The following FAM83F variants were observed in gnomAD, a reference collection of about 807,000 sequenced individuals.
FAM83F encodes the protein scaffolding CK1 anchoring protein F, also known as protein FAM83F.
A neutral mutation model predicts 42.9 loss-of-function variants in FAM83F; 45 were observed. That is an observed-to-expected ratio of 1.05 (90% CI 0.83 to 1.35). FAM83F has a LOEUF of 1.35. FAM83F is among the 40% of genes most tolerant of loss of function. The pLI is 0.00. For synonymous variants in FAM83F, 306 were observed against 298.3 expected (o/e 1.03, Z -0.27); for missense variants, 617 against 695.9 (o/e 0.89, Z 1.28).
At chr22:40,013,082 C>CAAAAAAAAAAAAAAAAAA (rs754625979) in intron 1 of FAM83F, among the ~76,000 whole-genome samples, 1 of 46,394 alleles carries the variant, frequency 2.2e-5, no homozygotes, top group Non-Finnish European at 3.8e-5. Flanking sequence ...GACTCCGTTT[C>CAAAAAAAAAAAAAAAAAA]AAAAAAAAAA....
chr22:40,027,672 G>T (rs1444180508), intron 4 of FAM83F, among the ~76,000 whole-genome samples: 1 of 152,246 alleles, frequency 6.6e-6, no homozygotes, highest in East Asian at 1.9e-4. Context: ...CAGTTTCTCT[G>T]TCCTGTCCGG....
Position 40,030,642 on chromosome 22 carries a change from CCCAG to C in FAM83F, c.*1078_*1081del, listed in dbSNP as rs1240635012. The stretch of plus-strand genomic sequence containing the variant: ...ATGGCCATGAGGCTGAGCTGGGAGG[CCCAG>C]TAAGCAATTCCATTCTGCCTTCCCC... On this transcript the variant is annotated 3_prime_UTR_variant, in exon 5 of 5. Transcript: ENST00000333407. 7 of 152,184 alleles carry C rather than the reference CCCAG, an allele frequency of 4.6e-5. No individual in the cohort carries two copies. The highest frequency in any genetic ancestry group is 1.7e-4 in the African/African-American group (7 of 41,424). The allele number at this position is 152,184 out of a possible 1,614,324, so 9.4% of individuals were successfully genotyped here.
chr22:40,022,287 T>C (rs1423413477), intron 4 of FAM83F, among the ~76,000 whole-genome samples: 1 of 152,248 alleles, frequency 6.6e-6, no homozygotes, highest in Non-Finnish European at 1.5e-5. Flanking sequence ...TCAGCCCTCA[T>C]GGTAACCCAA....
chr22:40,021,601 G>T lies in FAM83F; in HGVS notation c.1091G>T (p.Gly364Val). Reference protein sequence around the residue: ...NPEGQEEGASGGESAWRLESF... With the variant: ...NPEGQEEGASVGESAWRLESF... ...GAGGGGCAGGAGGAGGGCGCCAGCG[G>T]TGGCGAGTCGGCCTGGCGCCTGGAG... Residue 364 changes from glycine to valine, a missense_variant, in exon 4 of 5, where the codon GGT becomes GTT. Physicochemically the swap from Gly to Val is moderately radical, Grantham distance 109 (BLOSUM62 -3). Coordinates refer to ENST00000333407, the MANE Select transcript of FAM83F (RefSeq NM_138435.4). This position sits in a 1 kb window ranked among gnomAD's most constrained non-coding sequence, Gnocchi z 8.7. 3 of 1,580,474 alleles carry T rather than the reference G, an allele frequency of 1.9e-6. No homozygotes were observed. Among genetic ancestry groups the T allele is most frequent in the Non-Finnish European group, 2.6e-6 (3 of 1,158,312 alleles).
At position 39,995,404 on chromosome 22, in the gene FAM83F, T is replaced by C; in HGVS notation, c.362T>C (p.Leu121Pro). 6.5e-7 allele frequency: 1 copy of C among 1,549,336 alleles called. No homozygotes were observed. The highest frequency in any genetic ancestry group is 8.7e-7 in the Non-Finnish European group (1 of 1,146,878). The stretch of plus-strand genomic sequence containing the variant: ...GACACCGAGGTGCCTCCTCTGGACC[T>C]GGGCTGGACGGACACTGGTTTCTAC... ...RSDTEVPPLD[L>P]GWTDTGFYRG... is the part of the protein sequence containing the mutation. Residue 121 changes from leucine to proline, a missense_variant, in exon 1 of 5, where the codon CTG (leucine) becomes CCG (proline). Coordinates refer to ENST00000333407, the MANE Select transcript of FAM83F (RefSeq NM_138435.4). The surrounding 1 kb of genome is among the most constrained non-coding windows in gnomAD (Gnocchi z 4.6).
chr22:40,015,045 G>T (rs1209053915), intron 1 of FAM83F, among the ~76,000 whole-genome samples: 2 of 152,204 alleles, frequency 1.3e-5, no homozygotes, highest in Non-Finnish European at 2.9e-5. Flanking sequence ...ATTAGTCAGG[G>T]TTCTCCAGAG....
Position 40,034,525 on chromosome 22 carries a change from C to G in FAM83F, c.*4960C>G, listed in dbSNP as rs1348326494. ...CAGCTAGGGACTGAGGAAAGCCCTG[C>G]TTCTAGATGCCATGTGCTGCTGCCT... On this transcript the variant is annotated 3_prime_UTR_variant, in exon 5 of 5. Transcript: ENST00000333407. 2.0e-5 allele frequency: 3 copies of G among 152,310 alleles called. No homozygotes were observed. Among genetic ancestry groups the G allele is most frequent in the Non-Finnish European group, 1.5e-5 (1 of 68,102 alleles). The allele number at this position is 152,310 out of a possible 1,614,324, so 9.4% of individuals were successfully genotyped here.
chr22:40,030,518 CA>C lies in FAM83F; in HGVS notation c.*954del, dbSNP rs1266047229. The C allele has an allele frequency of 6.6e-6, 1 of 152,258 alleles. No homozygotes were observed. The highest frequency in any genetic ancestry group is 1.5e-5 in the Non-Finnish European group (1 of 68,116). The allele number at this position is 152,258 out of a possible 1,614,324, so 9.4% of individuals were successfully genotyped here. ...GGGGTCCTCGGACCCCTTCACCAAC[CA>C]GGGCTTCCAGGTTACACTTTGGCCA... On this transcript the variant is annotated 3_prime_UTR_variant, in exon 5 of 5. Transcript: ENST00000333407.
At chr22:40,025,484 A>G (rs9623110) in intron 4 of FAM83F, among the ~76,000 whole-genome samples, 37,724 of 152,106 alleles carry the variant, frequency 0.25, 5,022 homozygotes, top group Non-Finnish European at 0.31. Context: ...AGGCCGAGGC[A>G]GGTGGATCAC....
chr22:40,039,418 G>T lies in FAM83F; in HGVS notation c.*9853G>T, dbSNP rs1183362643. 1 of 152,094 alleles carries T rather than the reference G, an allele frequency of 6.6e-6. No homozygotes were observed. The highest frequency in any genetic ancestry group is 2.4e-5 in the African/African-American group (1 of 41,390). 9.4% of individuals were successfully genotyped at this position (152,094 alleles called of 1,614,324 possible). ...ACCACTACGCCTGGCCTGGTATGTG[G>T]GTTAAAATGTTAGGTTTTATCATTA... On this transcript the variant is annotated 3_prime_UTR_variant, in exon 5 of 5. Coordinates refer to ENST00000333407, the MANE Select transcript of FAM83F (RefSeq NM_138435.4).
chr22:40,026,259 G>A (rs1398385246), intron 4 of FAM83F, among the ~76,000 whole-genome samples: 1 of 152,194 alleles, frequency 6.6e-6, no homozygotes, highest in Admixed American at 6.5e-5. Flanking sequence ...GGTGGCTCAT[G>A]CCTGTAATCC....
Position 40,023,259 on chromosome 22 carries a change from C to T in FAM83F, c.1453+1296C>T, listed in dbSNP as rs1413785846. On this transcript the variant is annotated intron_variant, in intron 4 of 4. Coordinates refer to ENST00000333407, the MANE Select transcript of FAM83F (RefSeq NM_138435.4). The surrounding 1 kb of genome is among the most constrained non-coding windows in gnomAD (Gnocchi z 4.1). ...GTGGTAGTAAGGCCAGGATTCAAGA[C>T]CAGGCATGGGCACAGCCATGTTCTG... 6.6e-6 allele frequency among the ~76,000 whole-genome samples: 1 copy of T among 152,188 alleles called. No homozygotes were observed. The highest frequency in any genetic ancestry group is 2.4e-5 in the African/African-American group (1 of 41,440).
chr22:39,998,591 C>A (rs2067382322), intron 1 of FAM83F, among the ~76,000 whole-genome samples: 1 of 152,024 alleles, frequency 6.6e-6, no homozygotes. Flanking sequence ...GGTAGGAGGG[C>A]CTTTGAGGAG....
At position 40,035,586 on chromosome 22, in the gene FAM83F, TTGAAGTGGTATGCCTGCA is replaced by T. The variant is rs1193680756; in HGVS notation, c.*6025_*6042del. 1 of 152,248 alleles carries T rather than the reference TTGAAGTGGTATGCCTGCA, an allele frequency of 6.6e-6. No homozygotes were observed. The highest frequency in any genetic ancestry group is 1.5e-5 in the Non-Finnish European group (1 of 68,090). 9.4% of individuals were successfully genotyped at this position (152,248 alleles called of 1,614,324 possible). On this transcript the variant is annotated 3_prime_UTR_variant, in exon 5 of 5. Transcript: ENST00000333407. Reference sequence around the variant, plus strand: ...CATGGTGAGCGAGGAAGGCATGGTATTGAAGTGGTATGCCTGCATGACCTTGGCGGGGGCGCATGGCAT... The same window carrying T: ...CATGGTGAGCGAGGAAGGCATGGTATTGACCTTGGCGGGGGCGCATGGCAT...
chr22:40,039,873 G>C lies in FAM83F; in HGVS notation c.*10308G>C, dbSNP rs922745986. On this transcript the variant is annotated 3_prime_UTR_variant, in exon 5 of 5. Coordinates refer to ENST00000333407, the MANE Select transcript of FAM83F (RefSeq NM_138435.4). ...GGATCTTGGCCACAAAAAGGTTATA[G>C]ATGAGCTTAGAGAAATGAATTTCAG... is the stretch of plus-strand genomic sequence containing the variant. 1.3e-5 allele frequency: 2 copies of C among 152,274 alleles called. No individual in the cohort carries two copies. Among genetic ancestry groups the C allele is most frequent in the South Asian group, 4.1e-4 (2 of 4,836 alleles). The allele number at this position is 152,274 out of a possible 1,614,324, so 9.4% of individuals were successfully genotyped here.
chr22:40,019,874 C>T lies in FAM83F; in HGVS notation c.658-13C>T. 1 of 1,602,824 alleles carries T rather than the reference C, an allele frequency of 6.2e-7. No homozygotes were observed. Reference sequence around the variant, plus strand: ...CCAACCCAGGTGACAGGGCCTTCTGCTCTTCCCAACAGAACATCCGTGTCC... The same window carrying T: ...CCAACCCAGGTGACAGGGCCTTCTGTTCTTCCCAACAGAACATCCGTGTCC... On this transcript the variant is annotated splice_polypyrimidine_tract_variant and intron_variant, in intron 2 of 4. Transcript: ENST00000333407.
intron 4 of FAM83F, among the ~76,000 whole-genome samples, chr22:40,027,005 T>C (rs2067557027): frequency 6.6e-6 from 1 of 152,176 alleles, no homozygotes; most frequent in South Asian, 2.1e-4. Context: ...AATAAATATG[T>C]GTCTACGAAG....
rs1190170656 is a variant in FAM83F, at chr22:40,037,597, C to T, written c.*8032C>T. 6.6e-6 allele frequency: 1 copy of T among 152,248 alleles called. No homozygotes were observed. The highest frequency in any genetic ancestry group is 2.4e-5 in the African/African-American group (1 of 41,466). The allele number at this position is 152,248 out of a possible 1,614,324, so 9.4% of individuals were successfully genotyped here. A position where few individuals can be genotyped will look rare whatever the true frequency, so the allele number is the denominator to read the frequency against. ...CACTAGTCTCACTCCTCCAACCAGACCGCTGCCACTAAGGCTTCTTCTGAA... is the reference window on the plus strand; with the variant it reads ...CACTAGTCTCACTCCTCCAACCAGATCGCTGCCACTAAGGCTTCTTCTGAA... On this transcript the variant is annotated 3_prime_UTR_variant, in exon 5 of 5. Transcript: ENST00000333407.
intron 1 of FAM83F, among the ~76,000 whole-genome samples, chr22:40,018,621 TC>T (rs1394434377): frequency 3.9e-4 from 58 of 148,478 alleles, no homozygotes; most frequent in African/African-American, 1.4e-3. Context: ...TTTTTTTTTT[TC>T]GCTCTTGTTG....
Sources: allele counts gnomAD v4.1 joint callset (sites outside exome capture counted in the v4.1 genomes callset), GRCh38; gene constraint gnomAD v4.1.1; non-coding constraint Gnocchi (gnomAD v3.1); transcripts MANE v1.5; gene names NCBI Gene and HGNC (gene_info 2026-07-23, HGNC 2026-07-21).